The following GALNT13 variants were observed in gnomAD, a reference collection of about 807,000 sequenced individuals.
GALNT13 encodes UDP-GalNAc:polypeptide N-acetylgalactosaminyltransferase 13.
A neutral mutation model predicts 64.2 loss-of-function variants in GALNT13; 28 were observed. The ratio of observed to expected loss-of-function variants is 0.44; its 90% CI spans 0.32 to 0.60. The LOEUF is 0.60. GALNT13 is among the 20% of genes least tolerant of loss of function. The pLI is 0.05. For missense variants in GALNT13, 577 were observed against 669.8 expected, an observed-to-expected ratio of 0.86 and a Z score of 1.53; for synonymous variants, 214 against 224.6, an observed-to-expected ratio of 0.95 and a Z score of 0.42.
At chr2:153,275,422 A>G in the GALNT13 span, among the ~76,000 whole-genome samples, 1 of 152,176 alleles carries the variant, frequency 6.6e-6, no homozygotes, top group Non-Finnish European at 1.5e-5. Context: ...GTGCCCTTAT[A>G]AAGAGGCTTG....
At chr2:154,166,977 T>C (rs201137813) in intron 4 of GALNT13, among the ~76,000 whole-genome samples, 1 of 141,628 alleles carries the variant, frequency 7.1e-6, no homozygotes, top group African/African-American at 2.7e-5. Context: ...GGGCCTGTTG[T>C]GGGGTGGGGG....
chr2:153,304,336 A>C, the GALNT13 span, among the ~76,000 whole-genome samples: 2 of 152,068 alleles, frequency 1.3e-5, no homozygotes, highest in Non-Finnish European at 2.9e-5. Flanking sequence ...TTCCACCTAT[A>C]GATGAACTTA....
the GALNT13 span, among the ~76,000 whole-genome samples, chr2:153,832,392 A>G: frequency 9.8e-5 from 15 of 152,302 alleles, no homozygotes; most frequent in African/African-American, 3.6e-4. Flanking sequence ...TTTTGCCATA[A>G]TCAAAACAAG....
the GALNT13 span, among the ~76,000 whole-genome samples, chr2:153,239,246 A>G: frequency 6.6e-6 from 1 of 152,012 alleles, no homozygotes; most frequent in Non-Finnish European, 1.5e-5. Flanking sequence ...TGGCGTTTTT[A>G]GTTTTTTTCA....
At chr2:153,530,190 C>G in the GALNT13 span, among the ~76,000 whole-genome samples, 1 of 151,568 alleles carries the variant, frequency 6.6e-6, no homozygotes, top group Non-Finnish European at 1.5e-5. Flanking sequence ...TTAACAAATT[C>G]AGCAAAGTAG....
At chr2:154,252,952 A>G (rs1473765390) in intron 7 of GALNT13, among the ~76,000 whole-genome samples, 2 of 152,208 alleles carry the variant, frequency 1.3e-5, no homozygotes, top group Non-Finnish European at 2.9e-5. Flanking sequence ...GAGCTCTGAA[A>G]TATTACATAT....
At chr2:154,331,284 AT>A (rs965244645) in intron 9 of GALNT13, among the ~76,000 whole-genome samples, 101 of 151,294 alleles carry the variant, frequency 6.7e-4, no homozygotes, top group South Asian at 2.5e-3. Flanking sequence ...CAGTAACTAC[AT>A]TTTTTTTTAA....
the GALNT13 span, among the ~76,000 whole-genome samples, chr2:153,824,782 T>C: frequency 2.0e-5 from 3 of 152,130 alleles, no homozygotes; most frequent in African/African-American, 2.4e-5. Flanking sequence ...GTTCTCATGA[T>C]AGACTTCTCA....
intron 3 of GALNT13, among the ~76,000 whole-genome samples, chr2:154,071,609 A>T (rs1700744100): frequency 6.6e-6 from 1 of 152,134 alleles, no homozygotes; most frequent in South Asian, 2.1e-4. Context: ...AAATATGTTG[A>T]TAATCCCCAG....
intron 3 of GALNT13, among the ~76,000 whole-genome samples, chr2:154,048,544 GA>G (rs1488000047): frequency 6.6e-6 from 1 of 152,098 alleles, no homozygotes; most frequent in Non-Finnish European, 1.5e-5. Flanking sequence ...ATTATTAAAG[GA>G]GGTCATCTAC....
the GALNT13 span, among the ~76,000 whole-genome samples, chr2:153,155,396 C>A: frequency 6.6e-6 from 1 of 152,134 alleles, no homozygotes; most frequent in African/African-American, 2.4e-5. Context: ...GCCTCAATTT[C>A]AGAACTTGTT....
chr2:153,784,497 G>C, the GALNT13 span, among the ~76,000 whole-genome samples: 4 of 152,282 alleles, frequency 2.6e-5, no homozygotes, highest in East Asian at 7.7e-4. Context: ...CATTCTGGGG[G>C]ATATATTTTA....
intron 3 of GALNT13, among the ~76,000 whole-genome samples, chr2:154,046,157 A>T (rs1332419491): frequency 6.6e-6 from 1 of 152,094 alleles, no homozygotes; most frequent in African/African-American, 2.4e-5. Flanking sequence ...AAAATAAAAA[A>T]ATAAAAATAA....
the GALNT13 span, among the ~76,000 whole-genome samples, chr2:153,315,877 G>A: frequency 1.3e-5 from 2 of 152,064 alleles, no homozygotes; most frequent in East Asian, 3.9e-4. Context: ...GCTACATACT[G>A]GGAAGAAATA....
chr2:153,676,291 A>G, the GALNT13 span, among the ~76,000 whole-genome samples: 4 of 152,168 alleles, frequency 2.6e-5, no homozygotes, highest in Non-Finnish European at 5.9e-5. Context: ...CTGGAAATAT[A>G]CAACCTCCCA....
chr2:153,547,011 G>A, the GALNT13 span, among the ~76,000 whole-genome samples: 3 of 152,162 alleles, frequency 2.0e-5, no homozygotes, highest in Non-Finnish European at 4.4e-5. Flanking sequence ...CATGTAATTT[G>A]GTTGCCTAAT....
intron 3 of GALNT13, among the ~76,000 whole-genome samples, chr2:154,133,259 T>A (rs1034172003): frequency 6.6e-6 from 1 of 152,150 alleles, no homozygotes; most frequent in African/African-American, 2.4e-5. Flanking sequence ...TACAAAATAT[T>A]ATTTTTATTA....
the GALNT13 span, among the ~76,000 whole-genome samples, chr2:153,401,349 A>T: frequency 2.6e-5 from 4 of 151,876 alleles, no homozygotes; most frequent in East Asian, 5.8e-4. Flanking sequence ...CTTCCAAGTA[A>T]GTGGTCAATT....
At chr2:153,614,971 T>C in the GALNT13 span, among the ~76,000 whole-genome samples, 3 of 152,088 alleles carry the variant, frequency 2.0e-5, no homozygotes, top group East Asian at 1.9e-4. Flanking sequence ...GTAGGTCTTA[T>C]TCCTTCCAAC....
Sources: allele counts gnomAD v4.1 joint callset (sites outside exome capture counted in the v4.1 genomes callset), GRCh38; gene constraint gnomAD v4.1.1; transcripts MANE v1.5; gene names NCBI Gene and HGNC (gene_info 2026-07-23, HGNC 2026-07-21).